DLC1: variants seen among roughly 807,000 people sequenced by gnomAD.
DLC1 encodes the protein DLC1 Rho GTPase activating protein, also known as rho GTPase-activating protein 7.
DLC1 carries 54 observed loss-of-function variants against 140.3 expected under a neutral mutation model. The observed-to-expected ratio is 0.38, with a 90% CI of 0.31 to 0.48. The LOEUF is 0.48. Among genes scored for constraint, DLC1 ranks in the 20% least tolerant of loss-of-function variants. The pLI is 0.96. For missense variants in DLC1, 2,536 were observed against 1,907.0 expected, an observed-to-expected ratio of 1.33 and a Z score of -6.14; for synonymous variants, 986 against 728.1, an observed-to-expected ratio of 1.35 and a Z score of -5.70.
At chr8:13,556,252 A>T (rs1381029238) in intron 1 of DLC1, among the ~76,000 whole-genome samples, 1 of 152,130 alleles carries the variant, frequency 6.6e-6, no homozygotes, top group African/African-American at 2.4e-5. Context: ...TTGCCCTCCT[A>T]AAACACTCCC....
intron 1 of DLC1, among the ~76,000 whole-genome samples, chr8:13,506,042 G>A (rs1802046368): frequency 6.9e-6 from 1 of 144,134 alleles, no homozygotes; most frequent in African/African-American, 2.5e-5. Context: ...GAGAATACAT[G>A]TGATACATAT....
chr8:13,212,728 C>T (rs1046917026), intron 5 of DLC1, among the ~76,000 whole-genome samples: 4 of 152,028 alleles, frequency 2.6e-5, no homozygotes, highest in African/African-American at 9.7e-5. Context: ...AGAATAGTTC[C>T]AAGAACTTCA....
Position 13,091,417 on chromosome 8 carries a change from T to C in DLC1, c.3756A>G (p.Lys1252=), listed in dbSNP as rs745636508. 3 of 1,614,082 alleles carry C rather than the reference T, an allele frequency of 1.9e-6. No homozygotes were observed. In the Admixed American group the frequency reaches 5.0e-5, roughly 27 times the overall value. The stretch of plus-strand genomic sequence containing the variant: ...TCTGATCTGGTTTGCCCAAACTTTG[T>C]TTTCTTTGCATTACCCTAGGTAGAA... ...ENSSPRVMQR[K]QSLGKPDQKD... Residue 1252 remains lysine, a synonymous_variant, in exon 14 of 18, where the codon AAA becomes AAG. Coordinates refer to ENST00000276297, the MANE Select transcript of DLC1 (RefSeq NM_182643.3).
chr8:13,204,227 C>A (rs1827543835), intron 5 of DLC1, among the ~76,000 whole-genome samples: 2 of 152,140 alleles, frequency 1.3e-5, no homozygotes, highest in African/African-American at 4.8e-5. Flanking sequence ...GGTTGGATGA[C>A]CTCTGTTGGA....
intron 2 of DLC1, among the ~76,000 whole-genome samples, chr8:13,441,393 C>A (rs1798503494): frequency 6.6e-6 from 1 of 152,258 alleles, no homozygotes; most frequent in East Asian, 1.9e-4. Flanking sequence ...AAAGGGTATT[C>A]AATTAGGAAA....
At chr8:13,344,567 G>A (rs1376327065) in intron 4 of DLC1, among the ~76,000 whole-genome samples, 12 of 152,216 alleles carry the variant, frequency 7.9e-5, no homozygotes, top group East Asian at 5.8e-4. Flanking sequence ...TACAGAGTAC[G>A]GAGTGACAAG....
At chr8:13,577,430 G>C (rs1328348561) in intron 1 of DLC1, among the ~76,000 whole-genome samples, 1 of 152,064 alleles carries the variant, frequency 6.6e-6, no homozygotes, top group African/African-American at 2.4e-5. Flanking sequence ...TTTTTGCAGT[G>C]GTTATGGTGA....
At chr8:13,520,583 G>A (rs1315787542) in intron 1 of DLC1, among the ~76,000 whole-genome samples, 2 of 151,978 alleles carry the variant, frequency 1.3e-5, no homozygotes, top group Non-Finnish European at 2.9e-5. Flanking sequence ...TAACAAAACT[G>A]CATGTTCTGC....
intron 5 of DLC1, among the ~76,000 whole-genome samples, chr8:13,185,895 C>A (rs1167215155): frequency 6.6e-6 from 1 of 152,132 alleles, no homozygotes; most frequent in African/African-American, 2.4e-5. Flanking sequence ...TTTATTTCTC[C>A]TTCATGTATG....
chr8:13,210,627 T>C (rs1827892126), intron 5 of DLC1, among the ~76,000 whole-genome samples: 1 of 152,208 alleles, frequency 6.6e-6, no homozygotes, highest in African/African-American at 2.4e-5. Context: ...TCTCTGACTT[T>C]TGGAAAGAAG....
chr8:13,386,381 A>G (rs1247332994), intron 4 of DLC1, among the ~76,000 whole-genome samples: 1 of 152,072 alleles, frequency 6.6e-6, no homozygotes, highest in Admixed American at 6.5e-5. Flanking sequence ...CCAGCCCCCA[A>G]AATTATTTAA....
chr8:13,482,214 A>G (rs1395174019), intron 2 of DLC1, among the ~76,000 whole-genome samples: 2 of 152,224 alleles, frequency 1.3e-5, no homozygotes, highest in Non-Finnish European at 2.9e-5. Context: ...ACAGGTGGAC[A>G]TTATAAATTT....
At chr8:13,249,458 TCCAGGCACTC>T (rs1303546097) in intron 5 of DLC1, among the ~76,000 whole-genome samples, 8 of 152,120 alleles carry the variant, frequency 5.3e-5, no homozygotes, top group Non-Finnish European at 1.0e-4. Context: ...TATCTCAGCT[TCCAGGCACTC>T]CTTGTCATGG....
At chr8:13,565,143 G>A (rs1244309692) in intron 1 of DLC1, among the ~76,000 whole-genome samples, 1 of 152,062 alleles carries the variant, frequency 6.6e-6, no homozygotes, top group East Asian at 1.9e-4. Flanking sequence ...TGTCCACTGG[G>A]TCACGCTGAA....
chr8:13,411,363 C>G (rs749039475), intron 2 of DLC1, among the ~76,000 whole-genome samples: 12 of 152,064 alleles, frequency 7.9e-5, no homozygotes, highest in Non-Finnish European at 1.6e-4. Flanking sequence ...AGAGGCAAAA[C>G]TATGGAGAGG....
At chr8:13,599,563 A>G (rs1805802211) in intron 1 of DLC1, among the ~76,000 whole-genome samples, 1 of 152,004 alleles carries the variant, frequency 6.6e-6, no homozygotes, top group South Asian at 2.1e-4. Context: ...CAAAGAACAA[A>G]CCAAGAACCT....
intron 5 of DLC1, among the ~76,000 whole-genome samples, chr8:13,252,249 G>A (rs145295478): frequency 3.3e-4 from 51 of 152,290 alleles, no homozygotes; most frequent in African/African-American, 1.2e-3. Context: ...AATATATGAA[G>A]AGAGAAGGAA....
intron 5 of DLC1, among the ~76,000 whole-genome samples, chr8:13,202,395 T>C (rs1351842569): frequency 1.3e-5 from 2 of 152,226 alleles, no homozygotes; most frequent in Non-Finnish European, 2.9e-5. Flanking sequence ...ATCCATCACC[T>C]CAAACACTTG....
chr8:13,560,704 A>G (rs1804210093), intron 1 of DLC1, among the ~76,000 whole-genome samples: 1 of 152,156 alleles, frequency 6.6e-6, no homozygotes, highest in Non-Finnish European at 1.5e-5. Context: ...GTCTTTAAAG[A>G]GAAAATCAGG....
Sources: allele counts gnomAD v4.1 joint callset (sites outside exome capture counted in the v4.1 genomes callset), GRCh38; gene constraint gnomAD v4.1.1; transcripts MANE v1.5; gene names NCBI Gene and HGNC (gene_info 2026-07-23, HGNC 2026-07-21).